The following OLFM2 variants were observed in gnomAD, a reference collection of about 807,000 sequenced individuals.
OLFM2 encodes the protein olfactomedin 2, also known as noelin-2.
In OLFM2, 20 loss-of-function variants were observed where a neutral mutation model predicts 43.9. The ratio of observed to expected loss-of-function variants is 0.46; its 90% CI spans 0.32 to 0.66. The LOEUF (loss-of-function observed/expected upper bound fraction) is 0.66, where lower values mean the gene tolerates loss of function less well. Among genes scored for constraint, OLFM2 ranks in the 30% least tolerant of loss-of-function variants. The probability of loss-of-function intolerance (pLI) is 0.04; values close to 1 mark genes in which losing one functional copy is unlikely to be tolerated. For synonymous variants in OLFM2, 268 were observed against 278.6 expected (o/e 0.96, Z 0.38); for missense variants, 416 against 643.6 (o/e 0.65, Z 3.83).
chr19:9,886,487 C>G (rs2046588051), intron 1 of OLFM2, among the ~76,000 whole-genome samples: 1 of 151,854 alleles, frequency 6.6e-6, no homozygotes, highest in Non-Finnish European at 1.5e-5. Context: ...TATTACCGCA[C>G]TGGGCCCTAA....
chr19:9,856,683 TG>T lies in OLFM2; in HGVS notation c.687+123del. The stretch of plus-strand genomic sequence containing the variant: ...ACTGGACAGGGAGGTCCAATGGCCC[TG>T]GGGGATCCAGGACACTTTGGGCTAC... On this transcript the variant is annotated intron_variant, in intron 5 of 5. Coordinates refer to ENST00000264833, the MANE Select transcript of OLFM2 (RefSeq NM_058164.4). This position sits in a 1 kb window ranked among gnomAD's most constrained non-coding sequence, Gnocchi z 4.0. The T allele has an allele frequency of 1.3e-6, 1 of 767,568 alleles. No homozygotes were observed. The highest frequency in any genetic ancestry group is 2.2e-6 in the Non-Finnish European group (1 of 460,600). The allele number at this position is 767,568 out of a possible 1,614,324, so 47.5% of individuals were successfully genotyped here.
chr19:9,881,113 C>A (rs1219452527), intron 1 of OLFM2, among the ~76,000 whole-genome samples: 2 of 152,114 alleles, frequency 1.3e-5, no homozygotes, highest in Non-Finnish European at 2.9e-5. Context: ...GGCCAGCTGG[C>A]CTCAAACTCC....
At chr19:9,900,989 A>AGGAAGGAAGGGAGGGAGGGAGGG (rs1555727281) in intron 1 of OLFM2, among the ~76,000 whole-genome samples, 4 of 30,348 alleles carry the variant, frequency 1.3e-4, no homozygotes, top group Non-Finnish European at 2.0e-4. Context: ...GAAGGAAGGA[A>AGGAAGGAAGGGAGGGAGGGAGGG]GGGAGGGAGG....
intron 1 of OLFM2, among the ~76,000 whole-genome samples, chr19:9,877,122 C>T (rs933433154): frequency 1.0e-4 from 15 of 150,200 alleles, no homozygotes; most frequent in East Asian, 2.0e-4. Flanking sequence ...CCCAGCTACT[C>T]GGGAGGCTGA....
chr19:9,880,872 G>A (rs952507340), intron 1 of OLFM2, among the ~76,000 whole-genome samples: 6 of 152,140 alleles, frequency 3.9e-5, no homozygotes, highest in Middle Eastern at 3.4e-3. Flanking sequence ...CTGTGGCCTG[G>A]GGGTAGCAAT....
At chr19:9,906,720 C>T (rs937160973) in intron 1 of OLFM2, among the ~76,000 whole-genome samples, 4 of 152,114 alleles carry the variant, frequency 2.6e-5, no homozygotes, top group African/African-American at 7.2e-5. Context: ...GACAGATGGA[C>T]GTGCGGCTGG....
chr19:9,920,431 G>A (rs2086412609), intron 1 of OLFM2, among the ~76,000 whole-genome samples: 2 of 152,138 alleles, frequency 1.3e-5, no homozygotes, highest in South Asian at 2.1e-4. Flanking sequence ...TGTACCCACG[G>A]TCAGAAATGA....
At chr19:9,908,464 A>ATTT (rs34305631) in intron 1 of OLFM2, among the ~76,000 whole-genome samples, 25 of 40,366 alleles carry the variant, frequency 6.2e-4, no homozygotes, top group African/African-American at 2.4e-3. Context: ...CACCTGGCTA[A>ATTT]TTTTTTTTTT....
chr19:9,874,847 C>T (rs1170599587), intron 1 of OLFM2, among the ~76,000 whole-genome samples: 1 of 152,138 alleles, frequency 6.6e-6, no homozygotes, highest in African/African-American at 2.4e-5. Context: ...CTCCTGAGCT[C>T]AAGTAATCCT....
At chr19:9,862,288 G>A (rs989022708) in intron 1 of OLFM2, among the ~76,000 whole-genome samples, 5 of 152,122 alleles carry the variant, frequency 3.3e-5, no homozygotes, top group Non-Finnish European at 5.9e-5. Flanking sequence ...GTATCCAAGA[G>A]AATGGGCTCT....
In OLFM2 at chr19:9,854,369, G is replaced by A. The variant is rs775393222; in HGVS notation, c.1182C>T (p.Phe394=). The A allele has an allele frequency of 3.7e-5, 59 of 1,614,086 alleles. 2 individuals carry two copies. The highest frequency in any genetic ancestry group is 3.1e-4 in the South Asian group (28 of 91,094). Reference sequence around the variant, plus strand: ...AACTGGACGTGTTGGTAAAATAGGCGAAGTAGACCTTGGCCCCAGCCAGGT... The same window carrying A: ...AACTGGACGTGTTGGTAAAATAGGCAAAGTAGACCTTGGCCCCAGCCAGGT... ...NSHLAGAKVY[F]AYFTNTSSYE... The change falls in exon 6 of 6, where the codon TTC becomes TTT. Residue 394 remains phenylalanine (F), a synonymous_variant. Transcript: ENST00000264833. The surrounding 1 kb of genome is among the most constrained non-coding windows in gnomAD (Gnocchi z 9.5).
At chr19:9,928,738 G>A (rs2145010101) in intron 1 of OLFM2, among the ~76,000 whole-genome samples, 1 of 152,072 alleles carries the variant, frequency 6.6e-6, no homozygotes, top group Non-Finnish European at 1.5e-5. Context: ...CCAGGAGGCA[G>A]AGGTTGCAGT....
chr19:9,908,042 C>CTA (rs2046798369), intron 1 of OLFM2, among the ~76,000 whole-genome samples: 1 of 151,968 alleles, frequency 6.6e-6, no homozygotes. Flanking sequence ...TTTTAAAAAT[C>CTA]TAAAGTCCCT....
chr19:9,873,270 C>G (rs763395848), intron 1 of OLFM2, among the ~76,000 whole-genome samples: 20 of 152,146 alleles, frequency 1.3e-4, no homozygotes, highest in Non-Finnish European at 2.1e-4. Flanking sequence ...CCTCTCATTT[C>G]AGCTCCCTGA....
At chr19:9,897,197 T>C (rs575125504) in intron 1 of OLFM2, among the ~76,000 whole-genome samples, 1 of 152,090 alleles carries the variant, frequency 6.6e-6, no homozygotes, top group African/African-American at 2.4e-5. Flanking sequence ...GGCATGGTGG[T>C]GCATGCCTGT....
chr19:9,909,044 C>T (rs1185521765), intron 1 of OLFM2, among the ~76,000 whole-genome samples: 9 of 151,172 alleles, frequency 6.0e-5, no homozygotes, highest in East Asian at 2.0e-4. Flanking sequence ...CTTGCTATGT[C>T]GCCCAGGCTG....
chr19:9,907,999 G>T (rs2046798035), intron 1 of OLFM2, among the ~76,000 whole-genome samples: 1 of 151,532 alleles, frequency 6.6e-6, no homozygotes, highest in Non-Finnish European at 1.5e-5. Flanking sequence ...GGTGAGACTT[G>T]ATCTCAAAAA....
chr19:9,928,437 G>T (rs537414430), intron 1 of OLFM2, among the ~76,000 whole-genome samples: 7 of 151,064 alleles, frequency 4.6e-5, no homozygotes, highest in African/African-American at 1.7e-4. Context: ...AGCTGCCCAG[G>T]ATTGTTGGAA....
intron 1 of OLFM2, among the ~76,000 whole-genome samples, chr19:9,888,788 C>T (rs562097910): frequency 3.9e-5 from 6 of 152,072 alleles, no homozygotes; most frequent in Non-Finnish European, 5.9e-5. Context: ...AAAATTCTGC[C>T]GGGCACGGTG....
Sources: gnomAD v4.1 joint callset for allele counts (sites outside exome capture counted in the v4.1 genomes callset) on GRCh38, gnomAD v4.1.1 for gene constraint, Gnocchi (gnomAD v3.1) non-coding constraint, MANE v1.5 for transcripts, NCBI Gene and HGNC (gene_info 2026-07-23, HGNC 2026-07-21) for gene names.